OSBPL3: variants seen among roughly 807,000 people sequenced by gnomAD.
OSBPL3 encodes the protein oxysterol binding protein like 3.
A neutral mutation model predicts 120.1 loss-of-function variants in OSBPL3; 65 were observed. That is an observed-to-expected ratio of 0.54 (90% CI 0.44 to 0.67). OSBPL3 has a LOEUF of 0.67. Ranked by LOEUF, OSBPL3 falls within the 30% of genes least tolerant of loss-of-function variation. The pLI is 0.00. For missense variants in OSBPL3, 1,004 were observed against 1,082.1 expected, an observed-to-expected ratio of 0.93 and a Z score of 1.01; for synonymous variants, 416 against 402.6, an observed-to-expected ratio of 1.03 and a Z score of -0.40.
intron 12 of OSBPL3, among the ~76,000 whole-genome samples, chr7:24,845,879 G>A (rs1798386765): frequency 1.3e-5 from 2 of 152,164 alleles, no homozygotes; most frequent in African/African-American, 2.4e-5. Flanking sequence ...GGGCATGGTG[G>A]GTAGTGAGTG....
At chr7:24,914,387 T>A (rs972923192) in intron 1 of OSBPL3, among the ~76,000 whole-genome samples, 3 of 152,058 alleles carry the variant, frequency 2.0e-5, no homozygotes, top group Admixed American at 1.3e-4. Context: ...GCACATGAAA[T>A]GTGGCCAGTG....
intron 1 of OSBPL3, among the ~76,000 whole-genome samples, chr7:24,971,468 G>T (rs1329906606): frequency 6.6e-6 from 1 of 152,202 alleles, no homozygotes; most frequent in African/African-American, 2.4e-5. Flanking sequence ...CAGATGGTCT[G>T]GCCATGACAC....
At chr7:24,856,574 T>C (rs1331152925) in intron 10 of OSBPL3, among the ~76,000 whole-genome samples, 10 of 152,358 alleles carry the variant, frequency 6.6e-5, no homozygotes. Context: ...AGCCTGAAGT[T>C]AAATTCTACC....
chr7:24,895,070 C>T (rs114127511), intron 1 of OSBPL3, among the ~76,000 whole-genome samples: 4,930 of 152,172 alleles, frequency 0.032, 165 homozygotes, highest in African/African-American at 0.066. Flanking sequence ...GATTGTTGCC[C>T]GGGGAAATAT....
rs75493496 is a variant in OSBPL3 at position 24,927,486 on chromosome 7, T to C, written c.-149-34865A>G. ...ATTATTTTACTTGCATATATAGTTATGCTAGTAAAATTTTGGTGACTAAAG... is the reference window on the plus strand; with the variant it reads ...ATTATTTTACTTGCATATATAGTTACGCTAGTAAAATTTTGGTGACTAAAG... On this transcript the variant is annotated intron_variant, in intron 1 of 22. Coordinates refer to ENST00000313367, the MANE Select transcript of OSBPL3 (RefSeq NM_015550.4). 6.1e-4 allele frequency among the ~76,000 whole-genome samples: 93 copies of C among 152,368 alleles called. 4 individuals are homozygous for C. The East Asian group carries it at 0.018, about 29-fold the overall frequency.
rs138236579 is a variant in OSBPL3, at chr7:24,891,523, T to C, written c.96+854A>G. On this transcript the variant is annotated intron_variant, in intron 2 of 22. Coordinates refer to ENST00000313367, the MANE Select transcript of OSBPL3 (RefSeq NM_015550.4). This position sits in a 1 kb window ranked among gnomAD's most constrained non-coding sequence, Gnocchi z 4.1. ...AGCACTTCCCATGAGGAAAAGGAAATGCCAACAGAAGCAGCAGGTGCTGAA... is the reference window on the plus strand; with the variant it reads ...AGCACTTCCCATGAGGAAAAGGAAACGCCAACAGAAGCAGCAGGTGCTGAA... 6.3e-4 allele frequency among the ~76,000 whole-genome samples: 96 copies of C among 152,300 alleles called. No individual in the cohort carries two copies. The highest frequency in any genetic ancestry group is 2.2e-3 in the African/African-American group (91 of 41,568).
At position 24,916,041 on chromosome 7, in the gene OSBPL3, A is replaced by T. The variant is rs1186088108; in HGVS notation, c.-149-23420T>A. On this transcript the variant is annotated intron_variant, in intron 1 of 22. Transcript: ENST00000313367. The surrounding 1 kb of genome is among the most constrained non-coding windows in gnomAD (Gnocchi z 4.9). ...ATAAAACAAGCAGCATACATCAGAA[A>T]GCCAGGCAGGGACAAAGGGAGAAGG... Among the ~76,000 whole-genome samples the T allele has an allele frequency of 6.6e-6, 1 of 152,218 alleles. No homozygotes were observed. The highest frequency in any genetic ancestry group is 2.4e-5 in the African/African-American group (1 of 41,452).
At chr7:24,902,945 A>G (rs1807282436) in intron 1 of OSBPL3, among the ~76,000 whole-genome samples, 1 of 152,154 alleles carries the variant, frequency 6.6e-6, no homozygotes, top group South Asian at 2.1e-4. Flanking sequence ...AATTCTCTCA[A>G]CTATGGACTT....
Position 24,881,500 on chromosome 7 carries a change from A to G in OSBPL3, c.97-9431T>C, listed in dbSNP as rs974092276. 6.6e-6 allele frequency among the ~76,000 whole-genome samples: 1 copy of G among 152,216 alleles called. No homozygotes were observed. The highest frequency in any genetic ancestry group is 2.4e-5 in the African/African-American group (1 of 41,448). On this transcript the variant is annotated intron_variant, in intron 2 of 22. Coordinates refer to ENST00000313367, the MANE Select transcript of OSBPL3 (RefSeq NM_015550.4). This position sits in a 1 kb window ranked among gnomAD's most constrained non-coding sequence, Gnocchi z 4.3. ...GCTGGATCTCAAAAAGCTAACATAC[A>G]TTACAAATGTTAATAAAAGGGATAC... is the stretch of plus-strand genomic sequence containing the variant.
At chr7:24,825,551 G>C (rs1404268931) in intron 16 of OSBPL3, among the ~76,000 whole-genome samples, 1 of 152,224 alleles carries the variant, frequency 6.6e-6, no homozygotes, top group Non-Finnish European at 1.5e-5. Flanking sequence ...CAATGGTTTA[G>C]TTGTCTCATA....
In OSBPL3 at chr7:24,863,350, A is replaced by G; in HGVS notation, c.778-58T>C. Reference sequence around the variant, plus strand: ...AGTAAAGTCCACCAAACCGACAAGGATAAATGCATAGCAAAGTGACCACCT... The same window carrying G: ...AGTAAAGTCCACCAAACCGACAAGGGTAAATGCATAGCAAAGTGACCACCT... On this transcript the variant is annotated intron_variant, in intron 8 of 22. Coordinates refer to ENST00000313367, the MANE Select transcript of OSBPL3 (RefSeq NM_015550.4). The surrounding 1 kb of genome is among the most constrained non-coding windows in gnomAD (Gnocchi z 5.8). 1 of 1,486,820 alleles carries G rather than the reference A, an allele frequency of 6.7e-7. No individual in the cohort carries two copies. Among genetic ancestry groups the G allele is most frequent in the Non-Finnish European group, 9.4e-7 (1 of 1,063,960 alleles). The allele number at this position is 1,486,820 out of a possible 1,614,324, so 92.1% of individuals were successfully genotyped here. A position where few individuals can be genotyped will look rare whatever the true frequency, so the allele number is the denominator to read the frequency against.
At chr7:24,901,021 GAAA>G (rs11395096) in intron 1 of OSBPL3, among the ~76,000 whole-genome samples, 3 of 128,534 alleles carry the variant, frequency 2.3e-5, no homozygotes, top group Non-Finnish European at 3.3e-5. Flanking sequence ...ACCTTGTCTC[GAAA>G]AAAAAAAAAA....
At chr7:24,845,081 G>A (rs973537058) in intron 12 of OSBPL3, among the ~76,000 whole-genome samples, 1 of 151,882 alleles carries the variant, frequency 6.6e-6, no homozygotes, top group African/African-American at 2.4e-5. Flanking sequence ...TTATTTCTCA[G>A]AATCAATTTT....
intron 1 of OSBPL3, among the ~76,000 whole-genome samples, chr7:24,917,133 G>A (rs900413943): frequency 6.6e-6 from 1 of 151,824 alleles, no homozygotes; most frequent in Non-Finnish European, 1.5e-5. Flanking sequence ...TACTACCCCA[G>A]CACCATTATA....
rs575331855 is a variant in OSBPL3, at chr7:24,834,330, G to T, written c.1746+156C>A. 4 of 1,469,104 alleles carry T rather than the reference G, an allele frequency of 2.7e-6. No individual in the cohort carries two copies. The African/African-American group carries it at 4.3e-5, about 16-fold the overall frequency. The allele number at this position is 1,469,104 out of a possible 1,614,324, so 91.0% of individuals were successfully genotyped here. On this transcript the variant is annotated intron_variant, in intron 15 of 22. Coordinates refer to ENST00000313367, the MANE Select transcript of OSBPL3 (RefSeq NM_015550.4). The surrounding 1 kb of genome is among the most constrained non-coding windows in gnomAD (Gnocchi z 5.2). The stretch of plus-strand genomic sequence containing the variant: ...ACAAGGTGACTGGAAACAGCCAGGC[G>T]GAGGAAGCCAGACAGCTCTGAGTAA...
In OSBPL3 at chr7:24,881,655, T is replaced by C. The variant is rs1803698918; in HGVS notation, c.97-9586A>G. ...GACTCCCAGAAAAAATGACACACAG[T>C]AAGCAGCAGGGTGTCTTAGATTCCT... On this transcript the variant is annotated intron_variant, in intron 2 of 22. Transcript: ENST00000313367. The surrounding 1 kb of genome is among the most constrained non-coding windows in gnomAD (Gnocchi z 4.3). Among the ~76,000 whole-genome samples, 1 of 152,198 alleles carries C rather than the reference T, an allele frequency of 6.6e-6. No homozygotes were observed. Among genetic ancestry groups the C allele is most frequent in the South Asian group, 2.1e-4 (1 of 4,828 alleles).
intron 20 of OSBPL3, among the ~76,000 whole-genome samples, chr7:24,809,052 A>C (rs1011478951): frequency 6.6e-6 from 1 of 152,076 alleles, no homozygotes; most frequent in African/African-American, 2.4e-5. Flanking sequence ...TAAATTGCCT[A>C]TGTAACAACC....
At chr7:24,844,095 T>C (rs368036166) in intron 12 of OSBPL3, among the ~76,000 whole-genome samples, 1 of 152,240 alleles carries the variant, frequency 6.6e-6, no homozygotes, top group African/African-American at 2.4e-5. Context: ...TTATATGTAC[T>C]GTAAACTCAC....
Position 24,804,359 on chromosome 7 carries a change from C to T in OSBPL3, c.2523G>A (p.Arg841=). The T allele has an allele frequency of 6.2e-7, 1 of 1,614,118 alleles. No homozygotes were observed. The highest frequency in any genetic ancestry group is 1.1e-5 in the South Asian group (1 of 91,084). Reference sequence around the variant, plus strand: ...GCTCCACATGATTTTCTTCTAAGACCCGCCGCCTTTCTCTCTGCAGTTGTT... The same window carrying T: ...GCTCCACATGATTTTCTTCTAAGACTCGCCGCCTTTCTCTCTGCAGTTGTT... ...RIEQLQRERR[R]VLEENHVEHQ... The change falls in exon 22 of 23, where the codon CGG becomes CGA. Residue 841 remains arginine, a synonymous_variant. Coordinates refer to ENST00000313367, the MANE Select transcript of OSBPL3 (RefSeq NM_015550.4). The surrounding 1 kb of genome is among the most constrained non-coding windows in gnomAD (Gnocchi z 5.4).
Sources: gnomAD v4.1 joint callset for allele counts (sites outside exome capture counted in the v4.1 genomes callset) on GRCh38, gnomAD v4.1.1 for gene constraint, Gnocchi (gnomAD v3.1) non-coding constraint, MANE v1.5 for transcripts, NCBI Gene and HGNC (gene_info 2026-07-23, HGNC 2026-07-21) for gene names.